IGSF21: variants seen among roughly 807,000 people sequenced by gnomAD.
IGSF21 encodes the protein immunoglobulin superfamily member 21.
In IGSF21, 28 loss-of-function variants were observed where a neutral mutation model predicts 46.8. The ratio of observed to expected loss-of-function variants is 0.60; its 90% confidence interval spans 0.44 to 0.82. The LOEUF (loss-of-function observed/expected upper bound fraction) is 0.82. IGSF21 is among the 40% of genes least tolerant of loss of function. The pLI is 0.00. For synonymous variants in IGSF21, 284 were observed against 273.6 expected, an observed-to-expected ratio of 1.04 and a Z score of -0.38; for missense variants, 624 against 665.5, an observed-to-expected ratio of 0.94 and a Z score of 0.69.
At chr1:18,168,234 T>C (rs987362760) in intron 1 of IGSF21, among the ~76,000 whole-genome samples, 1 of 152,132 alleles carries the variant, frequency 6.6e-6, no homozygotes, top group Non-Finnish European at 1.5e-5. Context: ...TTAACTTATA[T>C]ATAATAACCC....
At chr1:18,264,392 A>G (rs1358584517) in intron 2 of IGSF21, among the ~76,000 whole-genome samples, 1 of 152,204 alleles carries the variant, frequency 6.6e-6, no homozygotes, top group East Asian at 1.9e-4. Context: ...ACTCATGTTT[A>G]TTGTCATTAT....
intron 1 of IGSF21, among the ~76,000 whole-genome samples, chr1:18,173,220 G>A (rs371818990): frequency 3.3e-5 from 5 of 152,132 alleles, no homozygotes; most frequent in Non-Finnish European, 5.9e-5. Context: ...CCCGGGAGGC[G>A]GAGCTTGCAG....
rs1438102111 is a variant in IGSF21 at position 18,335,651 on chromosome 1, G to A, written c.424+641G>A. Among the ~76,000 whole-genome samples, 1 of 152,152 alleles carries A rather than the reference G, an allele frequency of 6.6e-6. No individual in the cohort carries two copies. Among genetic ancestry groups the A allele is most frequent in the Non-Finnish European group, 1.5e-5 (1 of 68,022 alleles). On this transcript the variant is annotated intron_variant, in intron 4 of 9. Transcript: ENST00000251296. This position sits in a 1 kb window ranked among gnomAD's most constrained non-coding sequence, Gnocchi z 4.8. The stretch of plus-strand genomic sequence containing the variant: ...TGTCAGATACACACCTTTGGATTCT[G>A]GCTCTATTGCAAGGATGCTGGGGAC...
At chr1:18,324,023 C>T (rs1220256614) in intron 3 of IGSF21, among the ~76,000 whole-genome samples, 2 of 152,078 alleles carry the variant, frequency 1.3e-5, no homozygotes, top group Admixed American at 6.5e-5. Flanking sequence ...CCTCTCTCCC[C>T]GGTCCCACTC....
At chr1:18,233,084 C>G (rs770228290) in intron 2 of IGSF21, among the ~76,000 whole-genome samples, 6 of 152,218 alleles carry the variant, frequency 3.9e-5, no homozygotes, top group Non-Finnish European at 7.3e-5. Flanking sequence ...TAACCTTTTA[C>G]AGCAGTTTTT....
intron 1 of IGSF21, among the ~76,000 whole-genome samples, chr1:18,157,332 G>T (rs1471375510): frequency 6.6e-6 from 1 of 152,160 alleles, no homozygotes. Context: ...CACCTGCCTG[G>T]TGGGTACCCC....
intron 3 of IGSF21, among the ~76,000 whole-genome samples, chr1:18,327,636 A>G (rs1304969726): frequency 6.6e-6 from 1 of 152,232 alleles, no homozygotes; most frequent in African/African-American, 2.4e-5. Context: ...GAAGAAACCA[A>G]GCAAAACATA....
At chr1:18,209,441 C>CTTCTT (rs1488940060) in intron 1 of IGSF21, among the ~76,000 whole-genome samples, 1 of 151,688 alleles carries the variant, frequency 6.6e-6, no homozygotes, top group Non-Finnish European at 1.5e-5. Context: ...GAGGGCCCGC[C>CTTCTT]TTCTTTTCTT....
chr1:18,368,532 G>T (rs976854950), intron 6 of IGSF21, among the ~76,000 whole-genome samples: 2 of 120,890 alleles, frequency 1.7e-5, no homozygotes, highest in African/African-American at 3.0e-5. Context: ...AAAAAAGTTG[G>T]GGGGAAAAAA....
chr1:18,265,659 G>A (rs2084983202), intron 2 of IGSF21, among the ~76,000 whole-genome samples: 1 of 152,220 alleles, frequency 6.6e-6, no homozygotes, highest in Admixed American at 6.5e-5. Context: ...CAGGCCACTG[G>A]AAGGGACAGC....
At chr1:18,204,807 G>A (rs967777577) in intron 1 of IGSF21, among the ~76,000 whole-genome samples, 4 of 152,194 alleles carry the variant, frequency 2.6e-5, no homozygotes, top group Non-Finnish European at 4.4e-5. Flanking sequence ...GAGGCAGGGG[G>A]ATGACTGAGT....
At chr1:18,289,369 A>G (rs1197685844) in intron 2 of IGSF21, among the ~76,000 whole-genome samples, 2 of 152,182 alleles carry the variant, frequency 1.3e-5, no homozygotes, top group Non-Finnish European at 2.9e-5. Flanking sequence ...CCTGGCCACC[A>G]GGGGTGGAAA....
At chr1:18,252,257 A>G (rs1032678186) in intron 2 of IGSF21, among the ~76,000 whole-genome samples, 1 of 151,858 alleles carries the variant, frequency 6.6e-6, no homozygotes, top group African/African-American at 2.4e-5. Context: ...TCACCGTGTT[A>G]TCAGGATGGT....
chr1:18,257,076 C>T (rs936015149), intron 2 of IGSF21, among the ~76,000 whole-genome samples: 1 of 152,186 alleles, frequency 6.6e-6, no homozygotes, highest in Non-Finnish European at 1.5e-5. Flanking sequence ...CATAATCCTT[C>T]CCTCTCAGAG....
chr1:18,268,300 T>A (rs2085009249), intron 2 of IGSF21, among the ~76,000 whole-genome samples: 1 of 152,262 alleles, frequency 6.6e-6, no homozygotes, highest in Non-Finnish European at 1.5e-5. Flanking sequence ...GACACAGGAC[T>A]ACTGACCCAC....
intron 1 of IGSF21, among the ~76,000 whole-genome samples, chr1:18,204,334 C>G (rs891293757): frequency 6.6e-6 from 1 of 152,168 alleles, no homozygotes; most frequent in Non-Finnish European, 1.5e-5. Flanking sequence ...AGCCTGTGCT[C>G]GCAACTTCAG....
intron 3 of IGSF21, among the ~76,000 whole-genome samples, chr1:18,294,009 CCTTAACCTCT>C (rs2085290443): frequency 6.6e-6 from 1 of 152,164 alleles, no homozygotes; most frequent in African/African-American, 2.4e-5. Flanking sequence ...GGGATGAGAG[CCTTAACCTCT>C]CTCTCTCTCT....
At chr1:18,166,396 ACTTTG>A (rs2086678847) in intron 1 of IGSF21, among the ~76,000 whole-genome samples, 1 of 152,100 alleles carries the variant, frequency 6.6e-6, no homozygotes, top group African/African-American at 2.4e-5. Context: ...CTTTGGAGTC[ACTTTG>A]ACCTCCCTGG....
intron 2 of IGSF21, among the ~76,000 whole-genome samples, chr1:18,276,306 T>C (rs1172380929): frequency 6.6e-6 from 1 of 152,104 alleles, no homozygotes; most frequent in Non-Finnish European, 1.5e-5. Flanking sequence ...CAAGGCAGCT[T>C]TACCCACCTG....
Sources: allele counts gnomAD v4.1 joint callset (sites outside exome capture counted in the v4.1 genomes callset), GRCh38; gene constraint gnomAD v4.1.1; non-coding constraint Gnocchi (gnomAD v3.1); transcripts MANE v1.5; gene names NCBI Gene and HGNC (gene_info 2026-07-23, HGNC 2026-07-21).